Variants in PSKH1 observed in about 807,000 individuals in gnomAD.
PSKH1 encodes the protein serine/threonine-protein kinase H1.
Under a neutral mutation model 26.7 loss-of-function variants are expected in PSKH1, and 12 were observed. The ratio of observed to expected loss-of-function variants is 0.45; its 90% CI spans 0.29 to 0.73. PSKH1 has a LOEUF of 0.73. Ranked by LOEUF, PSKH1 falls within the 30% of genes least tolerant of loss-of-function variation. The probability of loss-of-function intolerance (pLI) is 0.11; values close to 1 mark genes in which losing one functional copy is unlikely to be tolerated. For missense variants in PSKH1, 431 were observed against 595.2 expected (o/e 0.72, Z 2.87); for synonymous variants, 213 against 234.3 (o/e 0.91, Z 0.83).
At chr16:67,900,599 A>G (rs912270481) in intron 1 of PSKH1, among the ~76,000 whole-genome samples, 9 of 152,082 alleles carry the variant, frequency 5.9e-5, no homozygotes, top group African/African-American at 2.2e-4. Flanking sequence ...TGGGTCCAGG[A>G]TATTTGGTCA....
chr16:67,918,753 G>C (rs1288229317), intron 2 of PSKH1, among the ~76,000 whole-genome samples: 4 of 151,910 alleles, frequency 2.6e-5, no homozygotes, highest in African/African-American at 9.7e-5. Context: ...CACCACACCT[G>C]GCTAATTTTT....
At position 67,920,459 on chromosome 16, in the gene PSKH1, A is replaced by G. The variant is rs960974681; in HGVS notation, c.958-6866A>G. 3.3e-5 allele frequency among the ~76,000 whole-genome samples: 5 copies of G among 152,198 alleles called. No individual in the cohort carries two copies. The East Asian group carries it at 5.8e-4, about 18-fold the overall frequency. The stretch of plus-strand genomic sequence containing the variant: ...TAGGTTTCTTGTAGAGATAGGGTCT[A>G]TGTTGCCTAGCCTGGTCTTGAACTC... On this transcript the variant is annotated intron_variant, in intron 2 of 2. Transcript: ENST00000291041.
At chr16:67,896,194 C>T (rs886740109) in intron 1 of PSKH1, among the ~76,000 whole-genome samples, 2 of 151,720 alleles carry the variant, frequency 1.3e-5, no homozygotes, top group African/African-American at 2.4e-5. Flanking sequence ...CTACAACCTC[C>T]GCCTCCCAGG....
chr16:67,914,199 G>C (rs2058180586), intron 2 of PSKH1, among the ~76,000 whole-genome samples: 2 of 152,124 alleles, frequency 1.3e-5, no homozygotes, highest in African/African-American at 4.8e-5. Context: ...GCCCAGGCTG[G>C]AGTGCAATGG....
In PSKH1 at chr16:67,927,925, T is replaced by G; in HGVS notation, c.*283T>G. 1 of 506,724 alleles carries G rather than the reference T, an allele frequency of 2.0e-6. No homozygotes were observed. Among genetic ancestry groups the G allele is most frequent in the Non-Finnish European group, 3.5e-6 (1 of 282,398 alleles). 31.4% of individuals were successfully genotyped at this position (506,724 alleles called of 1,614,324 possible). On this transcript the variant is annotated 3_prime_UTR_variant, in exon 3 of 3. Coordinates refer to ENST00000291041, the MANE Select transcript of PSKH1 (RefSeq NM_006742.3). This position sits in a 1 kb window ranked among gnomAD's most constrained non-coding sequence, Gnocchi z 5.5. ...TTGGTGGGCAGCTGCTCTGGTGGAG[T>G]TGGGAAGGGATAGGACCTGGCCTTC...
chr16:67,926,554 C>A (rs1027901132), intron 2 of PSKH1, among the ~76,000 whole-genome samples: 1 of 152,196 alleles, frequency 6.6e-6, no homozygotes, highest in African/African-American at 2.4e-5. Flanking sequence ...CTGAGACAGA[C>A]AGCTGCTGGG....
chr16:67,902,259 C>CAA (rs1033235931), intron 1 of PSKH1, among the ~76,000 whole-genome samples: 1 of 126,854 alleles, frequency 7.9e-6, no homozygotes, highest in Non-Finnish European at 1.7e-5. Context: ...GACTCCATCT[C>CAA]AAAAAAAAAA....
intron 2 of PSKH1, chr16:67,910,089 A>G: frequency 2.4e-6 from 1 of 417,158 alleles, no homozygotes; most frequent in Non-Finnish European, 4.3e-6. Context: ...CAGGAACGTG[A>G]GTTTCTTTTT....
chr16:67,906,483 C>T (rs2058156389), intron 1 of PSKH1, among the ~76,000 whole-genome samples: 1 of 152,124 alleles, frequency 6.6e-6, no homozygotes, highest in African/African-American at 2.4e-5. Context: ...CTGCCTCAGC[C>T]TCCCAAGTAG....
chr16:67,927,750 G>A lies in PSKH1; in HGVS notation c.*108G>A. ...GATAGGCCTATGTGGCCCACAGTAG[G>A]TGAAGAATGTCTGGCTCCAGCCCTT... On this transcript the variant is annotated 3_prime_UTR_variant, in exon 3 of 3. Transcript: ENST00000291041. The surrounding 1 kb of genome is among the most constrained non-coding windows in gnomAD (Gnocchi z 5.5). The A allele has an allele frequency of 3.9e-6, 5 of 1,275,506 alleles. No homozygotes were observed. The highest frequency in any genetic ancestry group is 5.3e-6 in the Non-Finnish European group (5 of 941,114). 79.0% of individuals were successfully genotyped at this position (1,275,506 alleles called of 1,614,324 possible).
chr16:67,926,117 G>A lies in PSKH1; in HGVS notation c.958-1208G>A, dbSNP rs115666239. 4.3e-3 allele frequency among the ~76,000 whole-genome samples: 654 copies of A among 152,214 alleles called. 6 individuals carry two copies. Among genetic ancestry groups the A allele is most frequent in the African/African-American group, 0.015 (623 of 41,538 alleles). On this transcript the variant is annotated intron_variant, in intron 2 of 2. Coordinates refer to ENST00000291041, the MANE Select transcript of PSKH1 (RefSeq NM_006742.3). The stretch of plus-strand genomic sequence containing the variant: ...TGGCAGGAAGGAAAGTGAGGGGATC[G>A]TTAGCATCCCTGTTGAGTCATCTGC...
Position 67,894,203 on chromosome 16 carries a change from A to T in PSKH1, c.-71+832A>T, listed in dbSNP as rs192184102. Reference sequence around the variant, plus strand: ...ACAAGGCCTCTATTGCCCAAGCTGGAGTGCAATGGCTCATTCATAGCTCAC... The same window carrying T: ...ACAAGGCCTCTATTGCCCAAGCTGGTGTGCAATGGCTCATTCATAGCTCAC... On this transcript the variant is annotated intron_variant, in intron 1 of 2. Transcript: ENST00000291041. Among the ~76,000 whole-genome samples, 144 of 152,342 alleles carry T rather than the reference A, an allele frequency of 9.5e-4. 1 individual carries two copies. Among genetic ancestry groups the T allele is most frequent in the African/African-American group, 3.0e-3 (126 of 41,566 alleles).
At chr16:67,913,271 C>T (rs532516715) in intron 2 of PSKH1, among the ~76,000 whole-genome samples, 44 of 151,984 alleles carry the variant, frequency 2.9e-4, no homozygotes, top group Admixed American at 1.3e-3. Context: ...CTCAGCCTCC[C>T]GAGTAGCTGG....
At chr16:67,903,618 ACC>A (rs2058147684) in intron 1 of PSKH1, among the ~76,000 whole-genome samples, 1 of 151,718 alleles carries the variant, frequency 6.6e-6, no homozygotes, top group South Asian at 2.1e-4. Flanking sequence ...GTATCTAGTA[ACC>A]CACAGTAAAT....
At position 67,909,486 on chromosome 16, in the gene PSKH1, G is replaced by C. The variant is rs751378850; in HGVS notation, c.737G>C (p.Arg246Pro). The change falls in exon 2 of 3, where the codon CGC becomes CCC. Residue 246 changes from arginine to proline, a missense_variant. Arg to Pro is a moderately radical substitution (Grantham distance 103). Transcript: ENST00000291041. This position sits in a 1 kb window ranked among gnomAD's most constrained non-coding sequence, Gnocchi z 7.8. ...IITDFGLASA[R>P]KKGDDCLMKT... ...ACCGACTTCGGCCTGGCCAGTGCTCGCAAGAAGGGTGATGACTGCTTGATG... is the reference window on the plus strand; with the variant it reads ...ACCGACTTCGGCCTGGCCAGTGCTCCCAAGAAGGGTGATGACTGCTTGATG... 2 of 1,613,600 alleles carry C rather than the reference G, an allele frequency of 1.2e-6. No individual in the cohort carries two copies. The highest frequency in any genetic ancestry group is 1.7e-5 in the Admixed American group (1 of 60,010).
chr16:67,904,587 GC>G (rs1309290584), intron 1 of PSKH1, among the ~76,000 whole-genome samples: 1 of 152,052 alleles, frequency 6.6e-6, no homozygotes, highest in Admixed American at 6.6e-5. Flanking sequence ...TGATTCGCCT[GC>G]CTCAGCCTCC....
intron 1 of PSKH1, among the ~76,000 whole-genome samples, chr16:67,901,534 G>C (rs767179375): frequency 1.3e-5 from 2 of 150,190 alleles, no homozygotes; most frequent in South Asian, 4.2e-4. Context: ...GGGTTTCACC[G>C]TGTTGCCCAG....
At chr16:67,926,281 C>T (rs1259707362) in intron 2 of PSKH1, among the ~76,000 whole-genome samples, 1 of 152,202 alleles carries the variant, frequency 6.6e-6, no homozygotes, top group Non-Finnish European at 1.5e-5. Context: ...CAGGAAAGGG[C>T]ACCCATCCGG....
intron 1 of PSKH1, among the ~76,000 whole-genome samples, chr16:67,893,857 T>G (rs1246773654): frequency 1.3e-5 from 2 of 152,206 alleles, no homozygotes; most frequent in African/African-American, 4.8e-5. Context: ...TTGGCAAGCT[T>G]GTCATTCCTC....
Sources: gnomAD v4.1 joint callset for allele counts (sites outside exome capture counted in the v4.1 genomes callset) on GRCh38, gnomAD v4.1.1 for gene constraint, Gnocchi (gnomAD v3.1) non-coding constraint, MANE v1.5 for transcripts, NCBI Gene and HGNC (gene_info 2026-07-23, HGNC 2026-07-21) for gene names.